The following CXCL13 variants were observed in gnomAD, a reference collection of about 807,000 sequenced individuals.
The protein encoded by CXCL13 is C-X-C motif chemokine ligand 13.
In CXCL13, 7 loss-of-function variants were observed where a neutral mutation model predicts 12.2. The observed-to-expected ratio is 0.57, with a 90% CI of 0.33 to 1.07. CXCL13 has a LOEUF of 1.07. Ranked by LOEUF, CXCL13 falls within the 50% of genes least tolerant of loss-of-function variation. CXCL13 has a pLI of 0.04. For synonymous variants in CXCL13, 47 were observed against 42.4 expected (o/e 1.11, Z -0.42); for missense variants, 113 against 127.4 (o/e 0.89, Z 0.55).
At chr4:77,548,268 C>T (rs376435172) in intron 1 of CXCL13, among the ~76,000 whole-genome samples, 28 of 152,244 alleles carry the variant, frequency 1.8e-4, no homozygotes, top group East Asian at 1.7e-3. Context: ...AACTCTCCTG[C>T]GGCCTAAACA....
At chr4:77,568,789 C>T (rs1725998437) in intron 1 of CXCL13, among the ~76,000 whole-genome samples, 1 of 152,176 alleles carries the variant, frequency 6.6e-6, no homozygotes, top group African/African-American at 2.4e-5. Context: ...GGCATTCTCT[C>T]TAGGATTGTG....
upstream of CXCL13, among the ~76,000 whole-genome samples, chr4:77,604,013 T>A (rs1185385159): frequency 6.6e-6 from 1 of 152,182 alleles, no homozygotes; most frequent in Non-Finnish European, 1.5e-5. Flanking sequence ...AACCTCTAGT[T>A]TATAACCCTG....
At chr4:77,567,626 GCCAAAACCCA>G (rs1338035619) in intron 1 of CXCL13, among the ~76,000 whole-genome samples, 1 of 152,026 alleles carries the variant, frequency 6.6e-6, no homozygotes, top group African/African-American at 2.4e-5. Context: ...AAAAAAGCTG[GCCAAAACCCA>G]CCAAAACCAA....
intron 1 of CXCL13, among the ~76,000 whole-genome samples, chr4:77,522,201 A>G (rs1196174837): frequency 6.6e-6 from 1 of 152,094 alleles, no homozygotes; most frequent in Admixed American, 6.6e-5. Flanking sequence ...TTTGGGGTGG[A>G]GAGTTCTGTA....
At chr4:77,570,701 G>A (rs934099083) in intron 1 of CXCL13, among the ~76,000 whole-genome samples, 32 of 152,308 alleles carry the variant, frequency 2.1e-4, no homozygotes, top group East Asian at 5.8e-4. Flanking sequence ...TGCGCGCAGC[G>A]CTTGTGGGCC....
intron 1 of CXCL13, among the ~76,000 whole-genome samples, chr4:77,515,436 T>C (rs1724390635): frequency 1.3e-5 from 2 of 152,238 alleles, no homozygotes; most frequent in Admixed American, 1.3e-4. Context: ...TTCCTACCCA[T>C]GAGCATGGAA....
At chr4:77,607,336 T>C (rs72861984) in intron 1 of CXCL13, among the ~76,000 whole-genome samples, 3,758 of 152,238 alleles carry the variant, frequency 0.025, 148 homozygotes, top group African/African-American at 0.084. Context: ...CTAATTTTTG[T>C]TTTGTTTTCT....
chr4:77,611,231 A>C lies in CXCL13; in HGVS notation c.*192A>C. On this transcript the variant is annotated 3_prime_UTR_variant, in exon 4 of 4. Transcript: ENST00000682537. ...TCTTCACTCACAGCACCCTATATAC[A>C]CTTGGAGTTTGCATTCTTATTCATC... 2.1e-6 allele frequency: 1 copy of C among 466,420 alleles called. No homozygotes were observed. Among genetic ancestry groups the C allele is most frequent in the Non-Finnish European group, 3.8e-6 (1 of 263,746 alleles). 28.9% of individuals were successfully genotyped at this position (466,420 alleles called of 1,614,324 possible).
At position 77,564,401 on chromosome 4, in the gene CXCL13, G is replaced by A. The variant is rs187323489; in HGVS notation, c.-42-41423G>A. On this transcript the variant is annotated intron_variant, in intron 1 of 4. Coordinates refer to the CXCL13 transcript ENST00000286758. ...GCAAGTTTGACTTGGAGCCAGCAGG[G>A]AAAGTTCAAGTGACCCAGGAAATTA... is the stretch of plus-strand genomic sequence containing the variant. Among the ~76,000 whole-genome samples the A allele has an allele frequency of 8.5e-5, 13 of 152,336 alleles. No homozygotes were observed. In the South Asian group the frequency reaches 1.7e-3, roughly 19 times the overall value.
chr4:77,574,087 G>A (rs542658921), intron 1 of CXCL13, among the ~76,000 whole-genome samples: 4 of 152,014 alleles, frequency 2.6e-5, no homozygotes, highest in African/African-American at 9.7e-5. Flanking sequence ...GATATAAAAG[G>A]ATTTTTTTAA....
intron 1 of CXCL13, among the ~76,000 whole-genome samples, chr4:77,536,127 C>T (rs1019701131): frequency 1.3e-5 from 2 of 152,086 alleles, no homozygotes; most frequent in Non-Finnish European, 2.9e-5. Context: ...AGTGATGTAA[C>T]CCATATAAGT....
At position 77,572,097 on chromosome 4, in the gene CXCL13, C is replaced by T. The variant is rs564165720; in HGVS notation, c.-42-33727C>T. Among the ~76,000 whole-genome samples the T allele has an allele frequency of 5.3e-5, 8 of 152,024 alleles. No homozygotes were observed. The East Asian group carries it at 5.8e-4, about 11-fold the overall frequency. ...CTGTAACACTCACCGCGAGGGTCCGCGGCTTCATTCTTGAAGTCAGTGAGA... is the reference window on the plus strand; with the variant it reads ...CTGTAACACTCACCGCGAGGGTCCGTGGCTTCATTCTTGAAGTCAGTGAGA... On this transcript the variant is annotated intron_variant, in intron 1 of 4. Transcript: ENST00000286758.
At chr4:77,522,941 AG>A (rs1324912535) in intron 1 of CXCL13, among the ~76,000 whole-genome samples, 2 of 152,144 alleles carry the variant, frequency 1.3e-5, no homozygotes, top group Non-Finnish European at 2.9e-5. Flanking sequence ...TTATCTGTAA[AG>A]GATTTTATTT....
chr4:77,535,629 C>T lies in CXCL13; in HGVS notation c.-43+23841C>T, dbSNP rs148534459. Among the ~76,000 whole-genome samples the T allele has an allele frequency of 1.6e-3, 241 of 152,288 alleles. 1 individual carries two copies. Among genetic ancestry groups the T allele is most frequent in the African/African-American group, 5.2e-3 (214 of 41,542 alleles). On this transcript the variant is annotated intron_variant, in intron 1 of 4. Transcript: ENST00000286758. ...CATCCACCTGCTTCTTGGTGATACT[C>T]ACTATTGGAACCCAGCTGCCATGCT...
intron 1 of CXCL13, among the ~76,000 whole-genome samples, chr4:77,599,110 GC>G (rs1257320028): frequency 2.6e-5 from 4 of 152,086 alleles, no homozygotes; most frequent in African/African-American, 4.8e-5. Context: ...CACCCGGCCA[GC>G]CCCAACACTA....
chr4:77,552,559 C>T (rs1187361546), intron 1 of CXCL13, among the ~76,000 whole-genome samples: 3 of 152,202 alleles, frequency 2.0e-5, no homozygotes, highest in Non-Finnish European at 4.4e-5. Context: ...GGTCTGAGCT[C>T]CCTCCTTACC....
chr4:77,597,942 C>T (rs956268058), intron 1 of CXCL13, among the ~76,000 whole-genome samples: 2 of 152,186 alleles, frequency 1.3e-5, no homozygotes, highest in Admixed American at 6.5e-5. Flanking sequence ...CATTTCTCTT[C>T]GGAACTTTGG....
At chr4:77,565,152 C>G (rs891004011) in intron 1 of CXCL13, among the ~76,000 whole-genome samples, 5 of 152,222 alleles carry the variant, frequency 3.3e-5, no homozygotes, top group Non-Finnish European at 7.3e-5. Context: ...CACAGCTTCC[C>G]TTTCACTTAT....
intron 1 of CXCL13, among the ~76,000 whole-genome samples, chr4:77,539,064 T>C (rs1725138912): frequency 6.6e-6 from 1 of 151,702 alleles, no homozygotes; most frequent in Admixed American, 6.6e-5. Flanking sequence ...TTTGACCTTT[T>C]TTTTTTTTTT....
Sources: gnomAD v4.1 joint callset for allele counts (sites outside exome capture counted in the v4.1 genomes callset) on GRCh38, gnomAD v4.1.1 for gene constraint, MANE v1.5 for transcripts, NCBI Gene and HGNC (gene_info 2026-07-23, HGNC 2026-07-21) for gene names.